The following SORCS1 variants were observed in gnomAD, a reference collection of about 807,000 sequenced individuals.
The protein encoded by SORCS1 is sortilin related VPS10 domain containing receptor 1.
A neutral mutation model predicts 146.1 loss-of-function variants in SORCS1; 60 were observed. The observed-to-expected ratio is 0.41, with a 90% confidence interval of 0.33 to 0.51. SORCS1 has a LOEUF of 0.51. SORCS1 is among the 20% of genes least tolerant of loss of function. SORCS1 has a pLI of 0.21. For missense variants in SORCS1, 1,352 were observed against 1,487.6 expected, an observed-to-expected ratio of 0.91 and a Z score of 1.50; for synonymous variants, 637 against 584.0, an observed-to-expected ratio of 1.09 and a Z score of -1.31.
chr10:107,046,250 C>T (rs73373816), intron 1 of SORCS1, among the ~76,000 whole-genome samples: 9,330 of 151,916 alleles, frequency 0.061, 905 homozygotes, highest in African/African-American at 0.21. Context: ...GGCCACCTGG[C>T]TAATTTTTAA....
intron 18 of SORCS1, among the ~76,000 whole-genome samples, chr10:106,641,568 A>G (rs1324364853): frequency 6.6e-6 from 1 of 152,136 alleles, no homozygotes; most frequent in Non-Finnish European, 1.5e-5. Flanking sequence ...CTGTTTTTCA[A>G]ATGTTAAGAG....
chr10:107,006,284 T>G (rs1957438473), intron 1 of SORCS1, among the ~76,000 whole-genome samples: 1 of 152,100 alleles, frequency 6.6e-6, no homozygotes, highest in African/African-American at 2.4e-5. Context: ...AGCCCTGTGC[T>G]TAGCACCTGA....
intron 6 of SORCS1, among the ~76,000 whole-genome samples, chr10:106,718,400 T>C (rs368543694): frequency 6.6e-6 from 1 of 152,164 alleles, no homozygotes. Flanking sequence ...CGGTGAGTGT[T>C]ACAGTTCTTA....
chr10:106,714,731 C>A (rs12264650), intron 6 of SORCS1, among the ~76,000 whole-genome samples: 5,278 of 152,190 alleles, frequency 0.035, 272 homozygotes, highest in African/African-American at 0.11. Context: ...AGTTGGCAAT[C>A]TTTACAACAA....
chr10:106,990,893 A>G (rs1408025830), intron 1 of SORCS1, among the ~76,000 whole-genome samples: 2 of 137,118 alleles, frequency 1.5e-5, no homozygotes, highest in African/African-American at 5.9e-5. Context: ...TTTGAGGCAC[A>G]CTACTCTTTT....
intron 12 of SORCS1, among the ~76,000 whole-genome samples, chr10:106,678,206 A>G (rs1340121318): frequency 1.3e-5 from 2 of 152,194 alleles, no homozygotes; most frequent in East Asian, 3.8e-4. Context: ...ACCCAAGACT[A>G]TAGAAGTAAA....
At chr10:106,686,523 C>T (rs1025280570) in intron 10 of SORCS1, among the ~76,000 whole-genome samples, 40 of 152,280 alleles carry the variant, frequency 2.6e-4, no homozygotes, top group African/African-American at 8.7e-4. Flanking sequence ...CTCCAACTTG[C>T]TATAGCTGAA....
chr10:106,711,411 T>G (rs759316547), intron 6 of SORCS1, among the ~76,000 whole-genome samples: 3 of 152,178 alleles, frequency 2.0e-5, no homozygotes, highest in Non-Finnish European at 4.4e-5. Context: ...AAGGATTCAC[T>G]AAAGATTTCT....
intron 1 of SORCS1, among the ~76,000 whole-genome samples, chr10:106,982,152 G>C (rs2139356820): frequency 6.6e-6 from 1 of 152,176 alleles, no homozygotes; most frequent in Non-Finnish European, 1.5e-5. Flanking sequence ...GTGTAGAAAA[G>C]GTTGAATTAG....
chr10:107,144,208 C>T (rs1281611987), intron 1 of SORCS1, among the ~76,000 whole-genome samples: 1 of 152,154 alleles, frequency 6.6e-6, no homozygotes, highest in African/African-American at 2.4e-5. Flanking sequence ...CACCTTACTC[C>T]ACTCCCATTT....
At chr10:107,079,846 G>C (rs556859785) in intron 1 of SORCS1, among the ~76,000 whole-genome samples, 2 of 152,232 alleles carry the variant, frequency 1.3e-5, no homozygotes, top group East Asian at 3.9e-4. Flanking sequence ...CAATAATTAA[G>C]GTATCTTGGA....
intron 4 of SORCS1, among the ~76,000 whole-genome samples, chr10:106,763,714 T>C (rs1042143953): frequency 6.6e-6 from 1 of 152,186 alleles, no homozygotes. Flanking sequence ...CCTACCGGTC[T>C]CATCTCCAAA....
chr10:106,736,483 A>G (rs1856952202), intron 5 of SORCS1, among the ~76,000 whole-genome samples: 1 of 151,996 alleles, frequency 6.6e-6, no homozygotes. Context: ...CTGCTACCAA[A>G]GTGCCTGGCA....
intron 2 of SORCS1, among the ~76,000 whole-genome samples, chr10:106,935,067 T>C (rs1158155010): frequency 6.6e-6 from 1 of 151,988 alleles, no homozygotes; most frequent in East Asian, 1.9e-4. Flanking sequence ...ACTACTGAAA[T>C]TAAAAAAATA....
intron 1 of SORCS1, among the ~76,000 whole-genome samples, chr10:107,053,838 C>T (rs72812914): frequency 0.011 from 1,620 of 152,278 alleles, 15 homozygotes; most frequent in South Asian, 0.028. Flanking sequence ...CTGCTGCACA[C>T]ACCTTGTCTG....
chr10:106,765,219 ATTAGTAAATACAAC>A (rs1859473756), intron 4 of SORCS1, among the ~76,000 whole-genome samples: 2 of 152,140 alleles, frequency 1.3e-5, no homozygotes, highest in Admixed American at 6.5e-5. Context: ...ACTACATTGC[ATTAGTAAATACAAC>A]TTAATGAGCA....
At chr10:106,619,335 G>T (rs1224280246) in intron 20 of SORCS1, among the ~76,000 whole-genome samples, 1 of 152,230 alleles carries the variant, frequency 6.6e-6, no homozygotes, top group African/African-American at 2.4e-5. Context: ...TATGGTTGCA[G>T]TAGAGGTGAG....
intron 1 of SORCS1, among the ~76,000 whole-genome samples, chr10:107,016,288 G>A (rs1053205261): frequency 7.2e-5 from 11 of 152,240 alleles, no homozygotes; most frequent in African/African-American, 1.7e-4. Flanking sequence ...AACTGGATAC[G>A]TCCATATGGG....
chr10:106,590,268 A>G (rs1459809545), intron 24 of SORCS1, among the ~76,000 whole-genome samples: 1 of 151,960 alleles, frequency 6.6e-6, no homozygotes, highest in African/African-American at 2.4e-5. Context: ...TGCATAGAAC[A>G]TTTTTTCATT....
Sources: gnomAD v4.1 joint callset for allele counts (sites outside exome capture counted in the v4.1 genomes callset) on GRCh38, gnomAD v4.1.1 for gene constraint, MANE v1.5 for transcripts, NCBI Gene and HGNC (gene_info 2026-07-23, HGNC 2026-07-21) for gene names.